XIST: variants seen among roughly 807,000 people sequenced by gnomAD.
XIST encodes X inactive specific transcript (non-protein coding).
chrX:73,844,480 G>A (rs1391600976), exon 1 of XIST: 5 of 557,431 alleles, frequency 9.0e-6, no homozygotes, highest in South Asian at 2.2e-5. Flanking sequence ...GGGGGTCTGA[G>A]AGTAGGACTT....
exon 1 of XIST, chrX:73,852,327 C>T (rs755859907): frequency 9.4e-5 from 51 of 540,923 alleles, no homozygotes; most frequent in Non-Finnish European, 1.5e-4. Context: ...CAGGTATCCA[C>T]GGCCCCGTTG....
chrX:73,822,104 A>C (rs1922134135), exon 6 of XIST: 2 of 558,981 alleles, frequency 3.6e-6, no homozygotes, highest in Non-Finnish European at 6.5e-6. Flanking sequence ...ATTGTGGCTC[A>C]AGTGTAGGTG....
chrX:73,850,707 G>GGGGGGTA (rs1267620907), exon 1 of XIST: 4 of 259,125 alleles, frequency 1.5e-5, no homozygotes, highest in African/African-American at 4.6e-5. Context: ...TAGGGGGGTA[G>GGGGGGTA]GGGGGTGGGG....
At chrX:73,841,318 G>T (rs1922581897) in intron 1 of XIST, 1 of 424,293 alleles carries the variant, frequency 2.4e-6, no homozygotes, top group Admixed American at 4.1e-5. Flanking sequence ...TCTATAGGTG[G>T]CATCTAAGAG....
exon 6 of XIST, chrX:73,827,069 T>C: frequency 1.8e-6 from 1 of 558,761 alleles, no homozygotes; most frequent in Non-Finnish European, 3.2e-6. Context: ...GTCTCAAGTC[T>C]CAAACCATCT....
At chrX:73,835,070 CA>C (rs1470637652) in intron 2 of XIST, among the ~76,000 whole-genome samples, 2 of 111,420 alleles carry the variant, frequency 1.8e-5, no homozygotes, top group Non-Finnish European at 3.8e-5. Context: ...GAAACTACCT[CA>C]ATGTTACACA....
chrX:73,841,127 A>T (rs1229106015), intron 1 of XIST, among the ~76,000 whole-genome samples: 1 of 111,910 alleles, frequency 8.9e-6, no homozygotes, highest in Non-Finnish European at 1.9e-5. Context: ...TATCATTCCT[A>T]CCCAGGTTAT....
chrX:73,849,845 G>C (rs1357591597), exon 1 of XIST: 2 of 503,796 alleles, frequency 4.0e-6, no homozygotes, highest in African/African-American at 4.9e-5. Context: ...ACTGGGGCTA[G>C]GGCTGGGGGG....
Position 73,823,337 on chromosome X carries a change from G to T in XIST, n.16564C>A, listed in dbSNP as rs1176107940. 7 of 479,295 alleles carry T rather than the reference G, an allele frequency of 1.5e-5. No homozygotes were observed. The African/African-American group carries it at 1.8e-4, about 12-fold the overall frequency. The allele number at this position is 479,295 out of a possible 1,213,427, so 39.5% of individuals were successfully genotyped here. On this transcript the variant is annotated non_coding_transcript_exon_variant, in exon 6 of 6. Transcript: ENST00000429829. ...TTTTTTTTTTTTTTTAATCTCAAAG[G>T]CAATTGAGTGGGTCTTCTGGGCCAG...
intron 4 of XIST, among the ~76,000 whole-genome samples, chrX:73,830,730 TG>T: frequency 8.9e-6 from 1 of 112,039 alleles, no homozygotes; most frequent in East Asian, 2.8e-4. Context: ...GGGGACCACA[TG>T]GAACAGAATG....
At chrX:73,843,338 T>C (rs1169155048) in exon 1 of XIST, 4 of 557,006 alleles carry the variant, frequency 7.2e-6, no homozygotes, top group Admixed American at 4.5e-5. Context: ...AGGAGTCTTA[T>C]CTAATGATCA....
exon 1 of XIST, chrX:73,841,882 A>C (rs1922597617): frequency 1.9e-6 from 1 of 516,232 alleles, no homozygotes; most frequent in Non-Finnish European, 3.5e-6. Context: ...TGAAATAAGT[A>C]GGGGCAGGTG....
Position 73,850,765 on chromosome X carries a change from TG to T in XIST, n.1958del, listed in dbSNP as rs752821339. On this transcript the variant is annotated non_coding_transcript_exon_variant, in exon 1 of 6. Transcript: ENST00000429829. ...GTGGGGAGTTGGGGGGGTTGGGGGG[TG>T]GGGGGGGAGGTATACTTAGCCTTAG... is the stretch of plus-strand genomic sequence containing the variant. 311 of 128,998 alleles carry T rather than the reference TG, an allele frequency of 2.4e-3. No individual in the cohort carries two copies. The East Asian group carries it at 0.048, about 20-fold the overall frequency. 10.6% of individuals were successfully genotyped at this position (128,998 alleles called of 1,213,427 possible). A position where few individuals can be genotyped will look rare whatever the true frequency, so the allele number is the denominator to read the frequency against.
intron 2 of XIST, among the ~76,000 whole-genome samples, chrX:73,836,154 C>T (rs893340329): frequency 5.4e-5 from 6 of 110,858 alleles, no homozygotes; most frequent in South Asian, 3.8e-4. Flanking sequence ...TAGAAAAAAA[C>T]GGAAAGAAGA....
Position 73,849,099 on chromosome X carries a change from A to G in XIST, n.3625T>C, listed in dbSNP as rs752124376. 7 of 559,241 alleles carry G rather than the reference A, an allele frequency of 1.3e-5. No homozygotes were observed. The South Asian group carries it at 1.6e-4, about 12-fold the overall frequency. 46.1% of individuals were successfully genotyped at this position (559,241 alleles called of 1,213,427 possible). A position where few individuals can be genotyped will look rare whatever the true frequency, so the allele number is the denominator to read the frequency against. ...TACTCAATAATTTAAGAAACTCTTAAATCTCAGGTAGTCAGCGCTGCCTCA... is the reference window on the plus strand; with the variant it reads ...TACTCAATAATTTAAGAAACTCTTAGATCTCAGGTAGTCAGCGCTGCCTCA... On this transcript the variant is annotated non_coding_transcript_exon_variant, in exon 1 of 6. Transcript: ENST00000429829.
At chrX:73,831,554 T>C (rs781215750) in intron 3 of XIST, among the ~76,000 whole-genome samples, 2 of 111,998 alleles carry the variant, frequency 1.8e-5, no homozygotes, top group Non-Finnish European at 3.8e-5. Context: ...TGCTGCATTT[T>C]ATTCTCCAGT....
exon 1 of XIST, chrX:73,848,591 T>C (rs1455135155): frequency 3.6e-6 from 2 of 556,245 alleles, no homozygotes; most frequent in African/African-American, 4.5e-5. Flanking sequence ...CCCTTTCTAA[T>C]GGACAGGACT....
At chrX:73,828,959 C>G in intron 5 of XIST, 1 of 438,316 alleles carries the variant, frequency 2.3e-6, no homozygotes, top group Admixed American at 3.5e-5. Context: ...TCACATTTAG[C>G]CCCACTTCAC....
chrX:73,850,468 A>G (rs1410888172), exon 1 of XIST: 1 of 546,636 alleles, frequency 1.8e-6, no homozygotes, highest in East Asian at 3.3e-5. Flanking sequence ...TGTATGACTG[A>G]CATCCAAAAG....
Sources: gnomAD v4.1 joint callset for allele counts (sites outside exome capture counted in the v4.1 genomes callset) on GRCh38, gnomAD v4.1.1 for gene constraint, MANE v1.5 for transcripts, NCBI Gene and HGNC (gene_info 2026-07-23, HGNC 2026-07-21) for gene names.